EIF3A: variants seen among roughly 807,000 people sequenced by gnomAD.
EIF3A encodes EIF3, p180 subunit.
Under a neutral mutation model 186.6 loss-of-function variants are expected in EIF3A, and 21 were observed. The observed-to-expected ratio is 0.11, with a 90% CI of 0.08 to 0.16. The LOEUF is 0.16. EIF3A is among the 10% of genes least tolerant of loss of function. EIF3A has a pLI of 1.00. For missense variants in EIF3A, 1,306 were observed against 1,796.3 expected, an observed-to-expected ratio of 0.73 and a Z score of 4.93; for synonymous variants, 563 against 584.3, an observed-to-expected ratio of 0.96 and a Z score of 0.52.
chr10:119,080,431 C>T, intron 1 of EIF3A, 197 bp downstream of exon 1: 2 of 985,446 alleles, frequency 2.0e-6, no homozygotes, highest in South Asian at 9.4e-5. Context: ...TTCCGGGCTA[C>T]GCGCCTCCCA....
At chr10:119,053,834 G>A (rs577422964) in intron 14 of EIF3A, among the ~76,000 whole-genome samples, 5 of 152,172 alleles carry the variant, frequency 3.3e-5, no homozygotes, top group South Asian at 2.1e-4. Flanking sequence ...GCTTCACATC[G>A]TACTGTTATG....
At position 119,059,352 on chromosome 10, in the gene EIF3A, A is replaced by C; in HGVS notation, c.1489T>G (p.Leu497Val). The change falls in exon 11 of 22, where the codon TTG (leucine) becomes GTG (valine). Residue 497 changes from leucine to valine, a missense_variant. Leu to Val is a conservative substitution (Grantham distance 32). This residue lies in a region of EIF3A where 267 missense variants were observed against 367.8 expected (regional missense o/e 0.73). Transcript: ENST00000369144. The stretch of plus-strand genomic sequence containing the variant: ...GCATCTTCTCGAGTAGCATAATTCA[A>C]ATCAGATCCAAAACTCAGGGTCCGA... ...TSRTLSFGSD[L>V]NYATREDAPI... The C allele has an allele frequency of 1.2e-6, 2 of 1,608,324 alleles. No individual in the cohort carries two copies. Among genetic ancestry groups the C allele is most frequent in the Non-Finnish European group, 1.7e-6 (2 of 1,177,944 alleles).
intron 14 of EIF3A, among the ~76,000 whole-genome samples, chr10:119,052,382 G>GTGTGTA (rs1225947557): frequency 6.7e-6 from 1 of 149,772 alleles, no homozygotes; most frequent in Non-Finnish European, 1.5e-5. Flanking sequence ...GTGTGTGTGT[G>GTGTGTA]TGTGTGTGTG....
At chr10:119,058,740 T>G (rs981365788) in intron 11 of EIF3A, among the ~76,000 whole-genome samples, 11 of 152,162 alleles carry the variant, frequency 7.2e-5, no homozygotes, top group African/African-American at 2.7e-4. Flanking sequence ...AAACATTAGC[T>G]GTGCACGTGG....
chr10:119,042,571 G>A lies in EIF3A; in HGVS notation c.2949C>T (p.Asp983=), dbSNP rs61729191. 14 of 1,614,032 alleles carry A rather than the reference G, an allele frequency of 8.7e-6. No individual in the cohort carries two copies. In the Middle Eastern group the frequency reaches 4.9e-4, roughly 57 times the overall value. ...EEDRFSRRGA[D]DDRPSWRNTD... ...TGTTACGCCAGGAAGGCCGGTCATC[G>A]TCTGCCCCACGACGAGAGAACCTAT... The change falls in exon 19 of 22, where the codon GAC becomes GAT. Residue 983 remains aspartate (D), a synonymous_variant. Coordinates refer to ENST00000369144, the MANE Select transcript of EIF3A (RefSeq NM_003750.4). This position sits in a 1 kb window ranked among gnomAD's most constrained non-coding sequence, Gnocchi z 7.8.
chr10:119,033,872 T>TAA lies in EIF3A; in HGVS notation c.*2165_*2166dup, dbSNP rs3061097. 6.2e-5 allele frequency: 10 copies of TAA among 160,954 alleles called. No individual in the cohort carries two copies. Among genetic ancestry groups the TAA allele is most frequent in the African/African-American group, 2.3e-4 (9 of 39,438 alleles). 10.0% of individuals were successfully genotyped at this position (160,954 alleles called of 1,614,324 possible). A position where few individuals can be genotyped will look rare whatever the true frequency, so the allele number is the denominator to read the frequency against. ...TCAATCTATGGTCAGTGTCTTTGGT[T>TAA]AAAAAAAAAAAAAAACACAGGCAGT... is the stretch of plus-strand genomic sequence containing the variant. On this transcript the variant is annotated 3_prime_UTR_variant, in exon 22 of 22. Transcript: ENST00000369144.
intron 7 of EIF3A, among the ~76,000 whole-genome samples, chr10:119,064,474 T>C (rs771320356): frequency 1.3e-5 from 2 of 152,174 alleles, no homozygotes; most frequent in Non-Finnish European, 2.9e-5. Context: ...ATCCTCATGA[T>C]AAGAGTTCTC....
rs1263322442 is a variant in EIF3A, at chr10:119,060,777, T to C, written c.1295A>G (p.Gln432Arg). ...CAGAAGGCGGAGGATGGTGTTGTTT[T>C]GCAGTTGTGGCACATACTGCTGCAA... ...PELQQYVPQL[Q>R]NNTILRLLQQ... Residue 432 changes from glutamine to arginine, a missense_variant, in exon 9 of 22, where the codon CAA becomes CGA. This residue lies in a region of EIF3A where 267 missense variants were observed against 367.8 expected (regional missense o/e 0.73). Coordinates refer to ENST00000369144, the MANE Select transcript of EIF3A (RefSeq NM_003750.4). 2 of 1,611,438 alleles carry C rather than the reference T, an allele frequency of 1.2e-6. No homozygotes were observed. The highest frequency in any genetic ancestry group is 2.7e-5 in the African/African-American group (2 of 74,930).
At chr10:119,038,107 G>A (rs1189397884) in intron 20 of EIF3A, 131 bp downstream of exon 20, 1 of 757,092 alleles carries the variant, frequency 1.3e-6, no homozygotes, top group Non-Finnish European at 2.2e-6. Context: ...AGTAGAGATG[G>A]GGTTTCACTA....
At chr10:119,046,793 A>G (rs189432698) in intron 17 of EIF3A, among the ~76,000 whole-genome samples, 1 of 151,170 alleles carries the variant, frequency 6.6e-6, no homozygotes, top group East Asian at 2.0e-4. Context: ...ATTCATCTCT[A>G]CTAAAAATAC....
At chr10:119,076,414 C>T (rs1276648524) in intron 1 of EIF3A, among the ~76,000 whole-genome samples, 2 of 151,306 alleles carry the variant, frequency 1.3e-5, no homozygotes, top group Non-Finnish European at 2.9e-5. Context: ...TCACATTTTT[C>T]ACATGCAAAT....
intron 11 of EIF3A, 63 bp downstream of exon 11, chr10:119,059,149 C>T: frequency 6.1e-6 from 8 of 1,319,286 alleles, no homozygotes; most frequent in Non-Finnish European, 8.6e-6. Flanking sequence ...TTGTAAAAGA[C>T]ATGGCATGGC....
At chr10:119,037,070 C>CG (rs780294318) in intron 21 of EIF3A, 49 bp downstream of exon 21, 8 of 996,630 alleles carry the variant, frequency 8.0e-6, no homozygotes, top group African/African-American at 1.6e-5. Flanking sequence ...TCCCCCCCCC[C>CG]CCAGAAACGA....
chr10:119,049,317 T>C (rs1848323756), intron 17 of EIF3A, among the ~76,000 whole-genome samples: 1 of 151,998 alleles, frequency 6.6e-6, no homozygotes, highest in African/African-American at 2.4e-5. Context: ...AAATTTTGTA[T>C]TTTCTACTAA....
chr10:119,062,685 G>A (rs112672707), intron 7 of EIF3A, among the ~76,000 whole-genome samples: 1,911 of 149,096 alleles, frequency 0.013, 37 homozygotes, highest in African/African-American at 0.043. Flanking sequence ...AATTGTAAAT[G>A]TCTTTCGCTT....
chr10:119,042,885 G>A lies in EIF3A; in HGVS notation c.2748-113C>T. The A allele has an allele frequency of 9.0e-7, 1 of 1,111,412 alleles. No individual in the cohort carries two copies. Among genetic ancestry groups the A allele is most frequent in the Non-Finnish European group, 1.2e-6 (1 of 803,218 alleles). The allele number at this position is 1,111,412 out of a possible 1,614,324, so 68.8% of individuals were successfully genotyped here. A position where few individuals can be genotyped will look rare whatever the true frequency, so the allele number is the denominator to read the frequency against. The stretch of plus-strand genomic sequence containing the variant: ...AACTTCAGTATGGGCCGGAGCAGTG[G>A]CTCGCACCTTTAATCCCAGCACTCT... On this transcript the variant is annotated intron_variant, in intron 18 of 21. Transcript: ENST00000369144. The surrounding 1 kb of genome is among the most constrained non-coding windows in gnomAD (Gnocchi z 7.8).
Position 119,037,136 on chromosome 10 carries a change from C to G in EIF3A, c.3902G>C (p.Arg1301Thr). 7.0e-7 allele frequency: 1 copy of G among 1,434,634 alleles called. No individual in the cohort carries two copies. Among genetic ancestry groups the G allele is most frequent in the South Asian group, 1.1e-5 (1 of 88,890 alleles). The allele number at this position is 1,434,634 out of a possible 1,614,324, so 88.9% of individuals were successfully genotyped here. A position where few individuals can be genotyped will look rare whatever the true frequency, so the allele number is the denominator to read the frequency against. ...DDRDRRGPPL[R>T]SEREEVSSWR... ...CTCTATACCTTCTTCACGTTCTGAT[C>G]TGAGTGGAGGTCCTCTTCGGTCCCT... Residue 1301 changes from arginine (R) to threonine (T), a missense_variant, in exon 21 of 22, where the codon AGA (arginine) becomes ACA (threonine). Coordinates refer to ENST00000369144, the MANE Select transcript of EIF3A (RefSeq NM_003750.4).
At position 119,037,069 on chromosome 10, in the gene EIF3A, C is replaced by T. The variant is rs200576099; in HGVS notation, c.3919+50G>A. 6.5e-5 allele frequency: 61 copies of T among 941,408 alleles called. 2 individuals carry two copies. The African/African-American group carries it at 7.9e-4, about 12-fold the overall frequency. 58.3% of individuals were successfully genotyped at this position (941,408 alleles called of 1,614,324 possible). A position where few individuals can be genotyped will look rare whatever the true frequency, so the allele number is the denominator to read the frequency against. ...AATTAAATAACCCAAATCCCCCCCC[C>T]CCCAGAAACGACAGTTCTCCAATAC... On this transcript the variant is annotated intron_variant, in intron 21 of 21. Coordinates refer to ENST00000369144, the MANE Select transcript of EIF3A (RefSeq NM_003750.4).
In EIF3A at chr10:119,034,194, C is replaced by G. The variant is rs1314442533; in HGVS notation, c.*1845G>C. The G allele has an allele frequency of 6.0e-6, 1 of 167,064 alleles. No individual in the cohort carries two copies. Among genetic ancestry groups the G allele is most frequent in the Non-Finnish European group, 1.5e-5 (1 of 68,178 alleles). The allele number at this position is 167,064 out of a possible 1,614,324, so 10.3% of individuals were successfully genotyped here. A position where few individuals can be genotyped will look rare whatever the true frequency, so the allele number is the denominator to read the frequency against. ...GGACAGTGGAAACCAAGAGCAGGAT[C>G]GCAAAGTAACAGCATCAGACTCTTC... On this transcript the variant is annotated 3_prime_UTR_variant, in exon 22 of 22. Transcript: ENST00000369144.
Sources: allele counts gnomAD v4.1 joint callset (sites outside exome capture counted in the v4.1 genomes callset), GRCh38; gene constraint gnomAD v4.1.1; regional missense constraint gnomAD v4.1.1; non-coding constraint Gnocchi (gnomAD v3.1); transcripts MANE v1.5; gene names NCBI Gene and HGNC (gene_info 2026-07-23, HGNC 2026-07-21).